Variants in IL17RC observed in about 807,000 individuals in gnomAD.
IL17RC encodes the protein interleukin-17 receptor C.
IL17RC carries 53 observed loss-of-function variants against 86.7 expected under a neutral mutation model. The ratio of observed to expected loss-of-function variants is 0.61; its 90% CI spans 0.49 to 0.77. IL17RC has a LOEUF of 0.77. Among genes scored for constraint, IL17RC ranks in the 30% least tolerant of loss-of-function variants. The probability of loss-of-function intolerance (pLI) is 0.00; values close to 1 mark genes in which losing one functional copy is unlikely to be tolerated. For synonymous variants in IL17RC, 439 were observed against 413.1 expected (o/e 1.06, Z -0.76); for missense variants, 957 against 940.0 (o/e 1.02, Z -0.24).
Position 9,933,461 on chromosome 3 carries a change from C to G in IL17RC, c.2031C>G (p.Leu677=). 6.2e-7 allele frequency: 1 copy of G among 1,612,962 alleles called. No homozygotes were observed. The highest frequency in any genetic ancestry group is 1.7e-5 in the Admixed American group (1 of 59,970). Residue 677 remains leucine, a synonymous_variant, in exon 19 of 19, where the codon CTC becomes CTG. Coordinates refer to ENST00000403601, the MANE Select transcript of IL17RC (RefSeq NM_153460.4). ...CTCGCGCCCCGCGTTCCGGGCGGCTCCAAGAGAGAGCGGAGCAAGTGTCCC... is the reference window on the plus strand; with the variant it reads ...CTCGCGCCCCGCGTTCCGGGCGGCTGCAAGAGAGAGCGGAGCAAGTGTCCC... ...QQPRAPRSGR[L]QERAEQVSRA...
At chr3:9,931,480 T>C (rs1377139391) in intron 16 of IL17RC, among the ~76,000 whole-genome samples, 6,423 of 21,470 alleles carry the variant, frequency 0.3, 643 homozygotes, top group African/African-American at 0.35. Flanking sequence ...CATATATATA[T>C]ATATATATAT....
intron 7 of IL17RC, among the ~76,000 whole-genome samples, chr3:9,923,106 G>A (rs1214707617): frequency 6.7e-6 from 1 of 149,368 alleles, no homozygotes; most frequent in Non-Finnish European, 1.5e-5. Flanking sequence ...AACCCCAGGA[G>A]GCAGAGCTTG....
chr3:9,931,466 CACACATATATATATATATATAT>C (rs2084662052), intron 16 of IL17RC, among the ~76,000 whole-genome samples: 1 of 15,638 alleles, frequency 6.4e-5, no homozygotes, highest in Admixed American at 7.8e-4. Context: ...CACACACACA[CACACATATATATATATATATAT>C]ATATATATAT....
intron 5 of IL17RC, among the ~76,000 whole-genome samples, chr3:9,918,893 T>C (rs2083321307): frequency 6.6e-6 from 1 of 152,212 alleles, no homozygotes. Flanking sequence ...TTCTACTTCA[T>C]ATGCTTGACT....
Position 9,920,540 on chromosome 3 carries a change from G to A in IL17RC, c.515G>A (p.Arg172Gln), listed in dbSNP as rs771496986. Reference sequence around the variant, plus strand: ...GAGGCTGCCCTAGGGAGTGAGGTACGAATCTGGTCCTATACTCAGCCCAGG... The same window carrying A: ...GAGGCTGCCCTAGGGAGTGAGGTACAAATCTGGTCCTATACTCAGCCCAGG... The part of the protein sequence containing the change: ...CFEAALGSEV[R>Q]IWSYTQPRYE... Residue 172 changes from arginine (R) to glutamine (Q), a missense_variant, in exon 6 of 19, where the codon CGA (arginine) becomes CAA (glutamine). Physicochemically the swap from Arg to Gln is conservative, Grantham distance 43. Transcript: ENST00000403601. The A allele has an allele frequency of 8.1e-6, 13 of 1,608,538 alleles. No individual in the cohort carries two copies. In the East Asian group the frequency reaches 8.9e-5, roughly 11 times the overall value.
intron 9 of IL17RC, among the ~76,000 whole-genome samples, chr3:9,926,120 G>A (rs552349191): frequency 5.7e-5 from 8 of 140,004 alleles, no homozygotes; most frequent in Admixed American, 5.3e-4. Context: ...TGCAACTTCC[G>A]CCTCCCAGGT....
At chr3:9,925,034 C>T (rs1278427525) in intron 9 of IL17RC, among the ~76,000 whole-genome samples, 1 of 151,560 alleles carries the variant, frequency 6.6e-6, no homozygotes. Flanking sequence ...AATTCCTGGG[C>T]TTATGCTATC....
At position 9,930,217 on chromosome 3, in the gene IL17RC, A is replaced by G. The variant is rs1279683003; in HGVS notation, c.1278+68A>G. ...ATCTCACATCTGGCCTCAAATTTTCACTCCATCCACCCTGTGCCGGTCTCT... is the reference window on the plus strand; with the variant it reads ...ATCTCACATCTGGCCTCAAATTTTCGCTCCATCCACCCTGTGCCGGTCTCT... On this transcript the variant is annotated intron_variant, in intron 14 of 18. Transcript: ENST00000403601. This position sits in a 1 kb window ranked among gnomAD's most constrained non-coding sequence, Gnocchi z 5.8. 11 of 1,594,418 alleles carry G rather than the reference A, an allele frequency of 6.9e-6. No homozygotes were observed. Among genetic ancestry groups the G allele is most frequent in the East Asian group, 2.2e-5 (1 of 44,596 alleles).
rs923910335 is a variant in IL17RC, at chr3:9,920,390, A to C, written c.466-101A>C. 3 of 696,270 alleles carry C rather than the reference A, an allele frequency of 4.3e-6. No homozygotes were observed. The African/African-American group carries it at 5.3e-5, about 12-fold the overall frequency. 43.1% of individuals were successfully genotyped at this position (696,270 alleles called of 1,614,324 possible). A position where few individuals can be genotyped will look rare whatever the true frequency, so the allele number is the denominator to read the frequency against. On this transcript the variant is annotated intron_variant, in intron 5 of 18. Coordinates refer to ENST00000403601, the MANE Select transcript of IL17RC (RefSeq NM_153460.4). ...TATAAATACAGTCATTAGTTGGGGG[A>C]GGAGGGCAGTGAGCAGAGTGGTCCC... is the stretch of plus-strand genomic sequence containing the variant.
chr3:9,933,581 G>A lies in IL17RC; in HGVS notation c.2151G>A (p.Gly717=). 1.9e-6 allele frequency: 3 copies of A among 1,596,988 alleles called. No homozygotes were observed. Among genetic ancestry groups the A allele is most frequent in the Non-Finnish European group, 2.6e-6 (3 of 1,173,288 alleles). Residue 717 remains glycine, a synonymous_variant, in exon 19 of 19, where the codon GGG becomes GGA. Transcript: ENST00000403601. ...GVGPGAGPGA[G]DGT ...GACCAGGCGCGGGACCTGGGGCGGG[G>A]GACGGGACTTAAATAAAGGCAGACG... is the stretch of plus-strand genomic sequence containing the variant.
In IL17RC at chr3:9,933,519, C is replaced by A. The variant is rs1356083299; in HGVS notation, c.2089C>A (p.His697Asn). The change falls in exon 19 of 19, where the codon CAT (histidine) becomes AAT (asparagine). Residue 697 changes from histidine to asparagine, a missense_variant. Physicochemically the swap from His to Asn is moderately conservative, Grantham distance 68. Transcript: ENST00000403601. ...TCAGCCAGCCCTGGATAGCTACTTC[C>A]ATCCCCCGGGGACTCCCGCGCCGGG... is the stretch of plus-strand genomic sequence containing the variant. ...ALQPALDSYF[H>N]PPGTPAPGRG... is the part of the protein sequence containing the mutation. 6.2e-7 allele frequency: 1 copy of A among 1,609,276 alleles called. No homozygotes were observed. The highest frequency in any genetic ancestry group is 1.1e-5 in the South Asian group (1 of 90,440).
rs6769465 is a variant in IL17RC, at chr3:9,918,709, A to C, written c.465+100A>C. On this transcript the variant is annotated intron_variant, in intron 5 of 18. Coordinates refer to ENST00000403601, the MANE Select transcript of IL17RC (RefSeq NM_153460.4). ...GATTACAAAAGAATTAAATTTATTG[A>C]AACCCTTCAGTACCAGGCATTACAG... The C allele has an allele frequency of 6.6e-3, 5,474 of 828,900 alleles. 185 individuals carry two copies. The African/African-American group carries it at 0.078, about 12-fold the overall frequency. The allele number at this position is 828,900 out of a possible 1,614,324, so 51.3% of individuals were successfully genotyped here.
Position 9,928,449 on chromosome 3 carries a change from T to C in IL17RC, c.1022T>C (p.Leu341Pro), listed in dbSNP as rs1357045644. The C allele has an allele frequency of 1.2e-6, 2 of 1,609,358 alleles. No homozygotes were observed. The highest frequency in any genetic ancestry group is 1.7e-6 in the Non-Finnish European group (2 of 1,179,558). The change falls in exon 11 of 19, where the codon CTG becomes CCG. Residue 341 changes from leucine (L) to proline (P), a missense_variant. Leu to Pro is a moderately conservative substitution (Grantham distance 98). Coordinates refer to ENST00000403601, the MANE Select transcript of IL17RC (RefSeq NM_153460.4). ...CCGGGTGGGGACCCCTGCCAGCCACTGGTCCCACCGCTTTCCTGGGAGAAC... is the reference window on the plus strand; with the variant it reads ...CCGGGTGGGGACCCCTGCCAGCCACCGGTCCCACCGCTTTCCTGGGAGAAC... ...RAPGGDPCQP[L>P]VPPLSWENVT...
rs915794543 is a variant in IL17RC at position 9,930,828 on chromosome 3, C to G, written c.1339-67C>G. The G allele has an allele frequency of 7.0e-6, 10 of 1,418,830 alleles. No homozygotes were observed. In the East Asian group the frequency reaches 2.3e-4, roughly 32 times the overall value. 87.9% of individuals were successfully genotyped at this position (1,418,830 alleles called of 1,614,324 possible). ...TGCTGGGAATTTGGAGATCAGGCCA[C>G]CAGAGCTTGGTGAATATTGGAACAC... On this transcript the variant is annotated intron_variant, in intron 15 of 18. Transcript: ENST00000403601. This position sits in a 1 kb window ranked among gnomAD's most constrained non-coding sequence, Gnocchi z 5.8.
chr3:9,930,328 C>A lies in IL17RC; in HGVS notation c.1279-72C>A, dbSNP rs1021815758. 3.8e-6 allele frequency: 6 copies of A among 1,577,690 alleles called. No individual in the cohort carries two copies. The highest frequency in any genetic ancestry group is 1.3e-5 in the African/African-American group (1 of 74,142). On this transcript the variant is annotated intron_variant, in intron 14 of 18. Transcript: ENST00000403601. This position sits in a 1 kb window ranked among gnomAD's most constrained non-coding sequence, Gnocchi z 5.8. Reference sequence around the variant, plus strand: ...GTCCCCTCTACCTCATTCTACCCAGCTGTAGCCTGGTAGGTGCTGCCCTAA... The same window carrying A: ...GTCCCCTCTACCTCATTCTACCCAGATGTAGCCTGGTAGGTGCTGCCCTAA...
At chr3:9,924,537 C>T (rs1161690601) in intron 9 of IL17RC, among the ~76,000 whole-genome samples, 1 of 152,038 alleles carries the variant, frequency 6.6e-6, no homozygotes, top group Non-Finnish European at 1.5e-5. Flanking sequence ...TCAAATGTCA[C>T]CTTCTCCTTG....
At position 9,924,214 on chromosome 3, in the gene IL17RC, CCTTT is replaced by C. The variant is rs1362554164; in HGVS notation, c.763-17_763-14del. 3 of 1,613,906 alleles carry C rather than the reference CCTTT, an allele frequency of 1.9e-6. No homozygotes were observed. The highest frequency in any genetic ancestry group is 2.7e-5 in the African/African-American group (2 of 74,928). On this transcript the variant is annotated splice_polypyrimidine_tract_variant and intron_variant, in intron 8 of 18. Coordinates refer to ENST00000403601, the MANE Select transcript of IL17RC (RefSeq NM_153460.4). ...CCTCCTTATCTTCTCCAACCTCCTTCCTTTATTTGTTCCACAGACTGGACCGCAG... is the reference window on the plus strand; with the variant it reads ...CCTCCTTATCTTCTCCAACCTCCTTCATTTGTTCCACAGACTGGACCGCAG...
intron 9 of IL17RC, 32 bp from the exon 10 acceptor site, chr3:9,928,134 G>A (rs2084270262): frequency 6.2e-7 from 1 of 1,610,176 alleles, no homozygotes; most frequent in Non-Finnish European, 8.5e-7. Context: ...GCCCATGGAG[G>A]GGACCTGAGC....
Position 9,933,533 on chromosome 3 carries a change from TC to T in IL17RC, c.2106del (p.Ala703ArgfsTer20). ...ATAGCTACTTCCATCCCCCGGGGAC[TC>T]CCGCGCCGGGACGCGGGGTGGGACC... ...LDSYFHPPGT[P>X]APGRGVGPGA... On this transcript the variant is annotated frameshift_variant, in exon 19 of 19. Coordinates refer to ENST00000403601, the MANE Select transcript of IL17RC (RefSeq NM_153460.4). LOFTEE classifies it low-confidence loss of function (END_TRUNC). The T allele has an allele frequency of 6.2e-7, 1 of 1,606,818 alleles. No individual in the cohort carries two copies. Among genetic ancestry groups the T allele is most frequent in the South Asian group, 1.1e-5 (1 of 90,208 alleles).
Sources: allele counts gnomAD v4.1 joint callset (sites outside exome capture counted in the v4.1 genomes callset), GRCh38; gene constraint gnomAD v4.1.1; non-coding constraint Gnocchi (gnomAD v3.1); transcripts MANE v1.5; gene names NCBI Gene and HGNC (gene_info 2026-07-23, HGNC 2026-07-21).